Variants in CSMD3 observed in about 807,000 individuals in gnomAD.
The protein encoded by CSMD3 is CUB and Sushi multiple domains 3, also known as CUB and sushi domain-containing protein 3.
A neutral mutation model predicts 435.2 loss-of-function variants in CSMD3; 177 were observed. The ratio of observed to expected loss-of-function variants is 0.41; its 90% CI spans 0.36 to 0.46. The LOEUF is 0.46. Among genes scored for constraint, CSMD3 ranks in the 20% least tolerant of loss-of-function variants. The pLI is 0.34. For synonymous variants in CSMD3, 1,656 were observed against 1,520.5 expected, an observed-to-expected ratio of 1.09 and a Z score of -2.07; for missense variants, 4,265 against 4,504.6, an observed-to-expected ratio of 0.95 and a Z score of 1.52.
At chr8:112,282,257 C>T (rs531028942) in intron 58 of CSMD3, among the ~76,000 whole-genome samples, 8 of 151,424 alleles carry the variant, frequency 5.3e-5, no homozygotes, top group African/African-American at 1.7e-4. Context: ...TGTGCATGCG[C>T]GTATGTGTGT....
At chr8:113,264,952 G>A (rs995092673) in intron 3 of CSMD3, among the ~76,000 whole-genome samples, 12 of 151,522 alleles carry the variant, frequency 7.9e-5, no homozygotes, top group Non-Finnish European at 1.8e-4. Context: ...TTTATTAAGT[G>A]CTTGGAACAT....
At chr8:112,784,729 C>T (rs183058845) in intron 13 of CSMD3, among the ~76,000 whole-genome samples, 59 of 152,054 alleles carry the variant, frequency 3.9e-4, no homozygotes, top group African/African-American at 1.3e-3. Context: ...AAATCCAAAA[C>T]CTTAATACAC....
chr8:112,853,000 A>G (rs992946964), intron 11 of CSMD3, among the ~76,000 whole-genome samples: 1 of 152,184 alleles, frequency 6.6e-6, no homozygotes, highest in Non-Finnish European at 1.5e-5. Flanking sequence ...TGGAATTTTT[A>G]TTAGTAATGT....
chr8:113,351,395 G>C (rs1236442554), intron 1 of CSMD3, among the ~76,000 whole-genome samples: 1 of 152,010 alleles, frequency 6.6e-6, no homozygotes. Context: ...AAGCAGGATT[G>C]CCCTCACCTA....
At chr8:113,040,532 T>C (rs2087562125) in intron 5 of CSMD3, among the ~76,000 whole-genome samples, 1 of 152,082 alleles carries the variant, frequency 6.6e-6, no homozygotes, top group South Asian at 2.1e-4. Context: ...AATAGAGAGG[T>C]TGCTTTCTGA....
At chr8:112,938,960 T>C (rs1393372439) in intron 9 of CSMD3, among the ~76,000 whole-genome samples, 2 of 152,148 alleles carry the variant, frequency 1.3e-5, no homozygotes, top group Non-Finnish European at 2.9e-5. Context: ...AGTGTGTTAA[T>C]ACATTTAAAA....
At chr8:113,339,700 T>C (rs1188374133) in intron 1 of CSMD3, among the ~76,000 whole-genome samples, 2 of 152,170 alleles carry the variant, frequency 1.3e-5, no homozygotes, top group South Asian at 2.1e-4. Context: ...TTCTTTCACC[T>C]GTTACTGAGC....
chr8:113,368,938 T>C (rs1017800978), intron 1 of CSMD3, among the ~76,000 whole-genome samples: 27 of 152,050 alleles, frequency 1.8e-4, no homozygotes, highest in African/African-American at 6.3e-4. Context: ...GAACGGTGGG[T>C]TTGTGTTTCT....
chr8:112,632,262 TATC>T (rs1299921971), intron 22 of CSMD3, among the ~76,000 whole-genome samples: 1 of 152,046 alleles, frequency 6.6e-6, no homozygotes, highest in Non-Finnish European at 1.5e-5. Context: ...AATAAATAAC[TATC>T]ATCATATATC....
rs1346824822 is a variant in CSMD3 at position 112,313,946 on chromosome 8, A to G, written c.7656T>C (p.Asp2552=). ...GHEVFLQWSA[D]HGNNKKGFRI... ...GGAAGCCTTTTTTGTTATTGCCATG[A>G]TCTGCTGACCACTGAAGAAATACTT... The change falls in exon 49 of 71, where the codon GAT becomes GAC. Residue 2552 remains aspartate (D), a synonymous_variant. Transcript: ENST00000297405. 1.2e-6 allele frequency: 2 copies of G among 1,612,382 alleles called. No homozygotes were observed. Among genetic ancestry groups the G allele is most frequent in the Middle Eastern group, 1.6e-4 (1 of 6,066 alleles).
intron 13 of CSMD3, among the ~76,000 whole-genome samples, chr8:112,773,389 G>A (rs2078169057): frequency 6.6e-6 from 1 of 151,838 alleles, no homozygotes; most frequent in African/African-American, 2.4e-5. Flanking sequence ...CATTGACCTG[G>A]TACAATCACT....
chr8:113,361,538 T>C (rs2094276488), intron 1 of CSMD3, among the ~76,000 whole-genome samples: 1 of 152,134 alleles, frequency 6.6e-6, no homozygotes, highest in Non-Finnish European at 1.5e-5. Flanking sequence ...ACTCACTTCA[T>C]TGAAATCATA....
chr8:113,117,175 G>A (rs1274692187), intron 4 of CSMD3, among the ~76,000 whole-genome samples: 4 of 152,188 alleles, frequency 2.6e-5, no homozygotes, highest in Admixed American at 2.0e-4. Context: ...CCCATAACAA[G>A]CCTGGAGGGC....
chr8:113,300,250 C>G (rs1563669505), intron 2 of CSMD3, among the ~76,000 whole-genome samples: 1 of 151,430 alleles, frequency 6.6e-6, no homozygotes, highest in African/African-American at 2.4e-5. Context: ...ATTAGTTCAA[C>G]CTCTATGGAA....
intron 5 of CSMD3, among the ~76,000 whole-genome samples, chr8:113,046,664 A>C (rs2087849040): frequency 6.6e-6 from 1 of 152,170 alleles, no homozygotes; most frequent in Non-Finnish European, 1.5e-5. Flanking sequence ...CCCCGGCTTG[A>C]GGAGGCCGGC....
At chr8:112,529,901 A>G (rs1825355721) in intron 27 of CSMD3, among the ~76,000 whole-genome samples, 1 of 152,202 alleles carries the variant, frequency 6.6e-6, no homozygotes, top group South Asian at 2.1e-4. Context: ...TATCATAAAG[A>G]TGCTCAGAAA....
intron 9 of CSMD3, among the ~76,000 whole-genome samples, chr8:112,943,346 A>AT (rs932733949): frequency 2.0e-5 from 2 of 99,748 alleles, no homozygotes; most frequent in African/African-American, 7.8e-5. Context: ...TATGACATCA[A>AT]TTTTTTTATC....
intron 1 of CSMD3, among the ~76,000 whole-genome samples, chr8:113,404,927 C>G (rs2094526171): frequency 6.6e-6 from 1 of 151,444 alleles, no homozygotes; most frequent in Non-Finnish European, 1.5e-5. Context: ...ATGTGCAAGA[C>G]ATGGAACTAC....
chr8:113,404,016 C>A (rs1314556900), intron 1 of CSMD3, among the ~76,000 whole-genome samples: 1 of 151,380 alleles, frequency 6.6e-6, no homozygotes, highest in East Asian at 1.9e-4. Context: ...ACATTAATAA[C>A]TTCCTTGAAA....
Sources: gnomAD v4.1 joint callset for allele counts (sites outside exome capture counted in the v4.1 genomes callset) on GRCh38, gnomAD v4.1.1 for gene constraint, MANE v1.5 for transcripts, NCBI Gene and HGNC (gene_info 2026-07-23, HGNC 2026-07-21) for gene names.